Variants in TCF12 observed in about 807,000 individuals in gnomAD.
The protein encoded by TCF12 is transcription factor 12, also known as DNA-binding protein HTF4.
TCF12 carries 45 observed loss-of-function variants against 86.0 expected under a neutral mutation model. The ratio of observed to expected loss-of-function variants is 0.52; its 90% CI spans 0.41 to 0.67. The LOEUF is 0.67. Among genes scored for constraint, TCF12 ranks in the 30% least tolerant of loss-of-function variants. The probability of loss-of-function intolerance (pLI) is 0.00; values close to 1 mark genes in which losing one functional copy is unlikely to be tolerated. For synonymous variants in TCF12, 330 were observed against 299.6 expected (o/e 1.10, Z -1.05); for missense variants, 881 against 859.9 (o/e 1.02, Z -0.31).
intron 3 of TCF12, among the ~76,000 whole-genome samples, chr15:57,036,261 G>GT (rs200648875): frequency 0.041 from 6,187 of 149,970 alleles, 375 homozygotes; most frequent in Admixed American, 0.17. Flanking sequence ...AAGGTTTTTT[G>GT]TTTTTTTTTC....
In TCF12 at chr15:56,940,583, T is replaced by TCTC. The variant is rs796972933; in HGVS notation, c.148+19500_148+19502dup. Among the ~76,000 whole-genome samples, 33 of 143,742 alleles carry TCTC rather than the reference T, an allele frequency of 2.3e-4. 1 individual carries two copies. The East Asian group carries it at 3.8e-3, about 16-fold the overall frequency. The allele number at this position is 143,742 out of a possible 152,430, so 94.3% of individuals were successfully genotyped here. On this transcript the variant is annotated intron_variant, in intron 3 of 20. Coordinates refer to ENST00000333725, the MANE Select transcript of TCF12 (RefSeq NM_207037.2). ...CTCTTCCTCTTCTTCTTCTTCTCCT[T>TCTC]CTCCTCCTCCTCCTCCTTCTCCTCC... is the stretch of plus-strand genomic sequence containing the variant.
chr15:56,973,551 T>C (rs1401743380), intron 3 of TCF12, among the ~76,000 whole-genome samples: 2 of 152,106 alleles, frequency 1.3e-5, no homozygotes, highest in Non-Finnish European at 1.5e-5. Flanking sequence ...TAACAACTAA[T>C]GTATATAAAA....
intron 3 of TCF12, among the ~76,000 whole-genome samples, chr15:56,962,271 T>C (rs1463264793): frequency 1.3e-5 from 2 of 152,234 alleles, no homozygotes; most frequent in Non-Finnish European, 2.9e-5. Flanking sequence ...GTGAAAACGA[T>C]TGAATTTGTG....
At chr15:57,170,737 AATATATATTATATATTATATAT>A (rs2055375832) in intron 6 of TCF12, among the ~76,000 whole-genome samples, 3 of 24,842 alleles carry the variant, frequency 1.2e-4, no homozygotes, top group Non-Finnish European at 2.8e-4. Context: ...TATTATATAT[AATATATATTATATATTATATAT>A]TATATATATA....
intron 5 of TCF12, among the ~76,000 whole-genome samples, chr15:57,164,214 T>G (rs777330287): frequency 6.6e-6 from 1 of 152,174 alleles, no homozygotes; most frequent in Non-Finnish European, 1.5e-5. Context: ...ACCTCCATTC[T>G]CCCTCAAGAA....
At chr15:56,953,873 T>C (rs2061387727) in intron 3 of TCF12, among the ~76,000 whole-genome samples, 1 of 150,696 alleles carries the variant, frequency 6.6e-6, no homozygotes, top group South Asian at 2.1e-4. Context: ...TTTGAGTTCC[T>C]TGGCCTTTTT....
intron 8 of TCF12, among the ~76,000 whole-genome samples, chr15:57,204,215 C>T (rs1597294835): frequency 6.6e-6 from 1 of 152,060 alleles, no homozygotes; most frequent in African/African-American, 2.4e-5. Flanking sequence ...GTGGGAGTAT[C>T]CCCTGAATCC....
intron 4 of TCF12, among the ~76,000 whole-genome samples, chr15:57,082,817 A>C (rs1420771285): frequency 6.6e-6 from 1 of 152,340 alleles, no homozygotes; most frequent in East Asian, 1.9e-4. Context: ...TAGATAATTG[A>C]CCCCAAGAGA....
chr15:57,227,202 A>G (rs2058928014), intron 8 of TCF12, among the ~76,000 whole-genome samples: 1 of 152,286 alleles, frequency 6.6e-6, no homozygotes, highest in Non-Finnish European at 1.5e-5. Context: ...AAGAAAAACT[A>G]TCTTCTTTAG....
intron 3 of TCF12, among the ~76,000 whole-genome samples, chr15:56,925,057 G>A (rs2059943038): frequency 6.6e-6 from 1 of 152,040 alleles, no homozygotes; most frequent in Admixed American, 6.6e-5. Context: ...AAACTTGCTG[G>A]GTGTGATGGT....
chr15:56,975,989 A>G (rs1290130877), intron 3 of TCF12, among the ~76,000 whole-genome samples: 1 of 152,008 alleles, frequency 6.6e-6, no homozygotes, highest in East Asian at 1.9e-4. Context: ...AAATGGGACA[A>G]CTTGAGCAGG....
chr15:57,139,842 C>T (rs986386157), intron 5 of TCF12, among the ~76,000 whole-genome samples: 1 of 152,126 alleles, frequency 6.6e-6, no homozygotes, highest in Non-Finnish European at 1.5e-5. Flanking sequence ...TATAGAAGAT[C>T]TGGAAATTAC....
At chr15:56,964,609 T>C (rs2061921805) in intron 3 of TCF12, among the ~76,000 whole-genome samples, 1 of 152,252 alleles carries the variant, frequency 6.6e-6, no homozygotes, top group Admixed American at 6.5e-5. Flanking sequence ...CAGGGATTTC[T>C]TCCTTCTCTA....
At chr15:57,224,375 C>T (rs1364811315) in intron 8 of TCF12, among the ~76,000 whole-genome samples, 4 of 151,964 alleles carry the variant, frequency 2.6e-5, no homozygotes, top group Admixed American at 1.3e-4. Flanking sequence ...TAGCACTTAT[C>T]GTAGAAAATC....
chr15:57,282,053 G>A (rs1354056817), intron 19 of TCF12: 1 of 258,438 alleles, frequency 3.9e-6, no homozygotes, highest in Admixed American at 5.2e-5. Context: ...TTTAGATAAA[G>A]CACAGGTGTC....
chr15:57,248,144 A>G, intron 13 of TCF12: 1 of 701,424 alleles, frequency 1.4e-6, no homozygotes. Context: ...ATCCTTTTCC[A>G]GAAGCCTCTT....
chr15:56,921,856 T>G (rs1241476449), intron 3 of TCF12, among the ~76,000 whole-genome samples: 2 of 152,056 alleles, frequency 1.3e-5, no homozygotes, highest in African/African-American at 2.4e-5. Flanking sequence ...CTAAACACTT[T>G]ATACCACTTT....
chr15:56,991,647 A>G (rs1015453905), intron 3 of TCF12, among the ~76,000 whole-genome samples: 1 of 152,204 alleles, frequency 6.6e-6, no homozygotes, highest in Non-Finnish European at 1.5e-5. Context: ...AAGATTTAAA[A>G]GACATTTAGG....
chr15:56,967,794 A>G (rs2062076318), intron 3 of TCF12, among the ~76,000 whole-genome samples: 1 of 152,174 alleles, frequency 6.6e-6, no homozygotes, highest in Non-Finnish European at 1.5e-5. Context: ...TAGCCATTGG[A>G]ACCTTTCTTA....
Sources: gnomAD v4.1 joint callset for allele counts (sites outside exome capture counted in the v4.1 genomes callset) on GRCh38, gnomAD v4.1.1 for gene constraint, MANE v1.5 for transcripts, NCBI Gene and HGNC (gene_info 2026-07-23, HGNC 2026-07-21) for gene names.